The following AMBRA1 variants were observed in gnomAD, a reference collection of about 807,000 sequenced individuals.
AMBRA1 encodes the protein activating molecule in BECN1-regulated autophagy protein 1.
AMBRA1 carries 47 observed loss-of-function variants against 125.4 expected under a neutral mutation model. The observed-to-expected ratio is 0.37, with a 90% CI of 0.30 to 0.48. The LOEUF is 0.48. Among genes scored for constraint, AMBRA1 ranks in the 20% least tolerant of loss-of-function variants. The pLI, the probability that AMBRA1 is intolerant of heterozygous loss-of-function variation, is 0.99. For missense variants in AMBRA1, 1,331 were observed against 1,693.4 expected, an observed-to-expected ratio of 0.79 and a Z score of 3.76; for synonymous variants, 626 against 655.5, an observed-to-expected ratio of 0.95 and a Z score of 0.69.
chr11:46,490,722 A>C (rs115425595), intron 11 of AMBRA1, among the ~76,000 whole-genome samples: 1 of 152,190 alleles, frequency 6.6e-6, no homozygotes, highest in Non-Finnish European at 1.5e-5. Context: ...AGTTCCACTT[A>C]TGTCTGGAGT....
chr11:46,500,983 T>C (rs2135007157), intron 9 of AMBRA1, among the ~76,000 whole-genome samples: 1 of 152,342 alleles, frequency 6.6e-6, no homozygotes, highest in African/African-American at 2.4e-5. Flanking sequence ...ATAAAGTTCA[T>C]CTCCTTTGCA....
At chr11:46,469,347 GA>G (rs1490348295) in intron 11 of AMBRA1, among the ~76,000 whole-genome samples, 3 of 151,970 alleles carry the variant, frequency 2.0e-5, no homozygotes, top group Non-Finnish European at 4.4e-5. Flanking sequence ...TTTAGAAACA[GA>G]GTACCTTGGG....
chr11:46,579,988 C>A (rs544118609), intron 1 of AMBRA1, among the ~76,000 whole-genome samples: 1 of 152,348 alleles, frequency 6.6e-6, no homozygotes, highest in Non-Finnish European at 1.5e-5. Context: ...GCTGGGATTA[C>A]AGGCGTGAGT....
chr11:46,503,060 C>CAAAAAA (rs35217088), intron 9 of AMBRA1, among the ~76,000 whole-genome samples: 6 of 31,010 alleles, frequency 1.9e-4, no homozygotes, highest in African/African-American at 3.9e-4. Flanking sequence ...GACTCTGTCT[C>CAAAAAA]AAAAAAAAAA....
chr11:46,552,888 T>C (rs1182817538), intron 1 of AMBRA1, among the ~76,000 whole-genome samples: 1 of 150,972 alleles, frequency 6.6e-6, no homozygotes, highest in Non-Finnish European at 1.5e-5. Context: ...AAGTTTCTAT[T>C]TTTTTTTCAC....
intron 7 of AMBRA1, among the ~76,000 whole-genome samples, chr11:46,541,000 C>T (rs930586862): frequency 5.9e-5 from 9 of 152,274 alleles, no homozygotes; most frequent in Non-Finnish European, 7.3e-5. Context: ...ATATTCCCAC[C>T]CTTGTTAGAA....
chr11:46,397,302 G>A lies in AMBRA1; in HGVS notation c.*148C>T. 1 of 1,144,378 alleles carries A rather than the reference G, an allele frequency of 8.7e-7. No homozygotes were observed. The highest frequency in any genetic ancestry group is 1.1e-6 in the Non-Finnish European group (1 of 872,712). 70.9% of individuals were successfully genotyped at this position (1,144,378 alleles called of 1,614,324 possible). Reference sequence around the variant, plus strand: ...CCCATTTGACTGTCTTGTGCCCACTGACTGATCTTCCTCTCCACCCTGACC... The same window carrying A: ...CCCATTTGACTGTCTTGTGCCCACTAACTGATCTTCCTCTCCACCCTGACC... On this transcript the variant is annotated 3_prime_UTR_variant, in exon 18 of 18. Coordinates refer to ENST00000683756, the MANE Select transcript of AMBRA1 (RefSeq NM_001387011.1).
At chr11:46,415,864 G>A (rs1946518630) in intron 15 of AMBRA1, among the ~76,000 whole-genome samples, 1 of 152,232 alleles carries the variant, frequency 6.6e-6, no homozygotes, top group Admixed American at 6.5e-5. Flanking sequence ...GGATGCTGGA[G>A]CAACATATGG....
chr11:46,413,829 T>A (rs201825460), intron 15 of AMBRA1, among the ~76,000 whole-genome samples: 2 of 150,954 alleles, frequency 1.3e-5, no homozygotes, highest in African/African-American at 2.4e-5. Flanking sequence ...TCACTGACTG[T>A]CTGTGAGCTA....
intron 17 of AMBRA1, among the ~76,000 whole-genome samples, chr11:46,407,266 T>A (rs1356687115): frequency 1.3e-5 from 2 of 152,132 alleles, no homozygotes; most frequent in South Asian, 4.1e-4. Context: ...ATGGCCCACT[T>A]CTCCAAATCC....
chr11:46,562,897 T>G (rs1193765681), intron 1 of AMBRA1, among the ~76,000 whole-genome samples: 1 of 151,672 alleles, frequency 6.6e-6, no homozygotes, highest in African/African-American at 2.4e-5. Context: ...GCCTCCCAGG[T>G]TCAAGCGATT....
At chr11:46,555,077 A>C (rs1056461635) in intron 1 of AMBRA1, among the ~76,000 whole-genome samples, 12 of 152,134 alleles carry the variant, frequency 7.9e-5, no homozygotes, top group African/African-American at 1.9e-4. Flanking sequence ...CTGTCTTAAA[A>C]AAACAAACAA....
chr11:46,587,372 C>G (rs2044440943), intron 1 of AMBRA1, among the ~76,000 whole-genome samples: 1 of 151,658 alleles, frequency 6.6e-6, no homozygotes, highest in Admixed American at 6.6e-5. Flanking sequence ...AGAGTGAGAC[C>G]CTGCCACAAA....
intron 9 of AMBRA1, among the ~76,000 whole-genome samples, chr11:46,503,445 G>A (rs59366507): frequency 0.014 from 2,139 of 152,182 alleles, 58 homozygotes; most frequent in African/African-American, 0.049. Flanking sequence ...TTGATCACAG[G>A]TCACCATAAC....
rs1451840746 is a variant in AMBRA1 at position 46,543,186 on chromosome 11, G to T, written c.831C>A (p.Pro277=). 6.3e-7 allele frequency: 1 copy of T among 1,578,854 alleles called. No individual in the cohort carries two copies. The highest frequency in any genetic ancestry group is 1.8e-5 in the Admixed American group (1 of 54,062). The change falls in exon 7 of 18, where the codon CCC becomes CCA. Residue 277 remains proline (P), a synonymous_variant. Transcript: ENST00000683756. The part of the protein sequence containing the change: ...TPSPPPPPPQ[P]STERPRTSAY... ...CGGAAGTCCTGGGGCGCTCCGTGGA[G>T]GGCTGAGGGGGAGGCGGTGGGGGTG... is the stretch of plus-strand genomic sequence containing the variant.
In AMBRA1 at chr11:46,450,056, C is replaced by CAA. The variant is rs201819276; in HGVS notation, c.2522-6460_2522-6459dup. Among the ~76,000 whole-genome samples the CAA allele has an allele frequency of 3.0e-3, 216 of 71,156 alleles. 2 individuals carry two copies. Among genetic ancestry groups the CAA allele is most frequent in the Non-Finnish European group, 4.5e-3 (156 of 34,822 alleles). 46.7% of individuals were successfully genotyped at this position (71,156 alleles called of 152,430 possible). ...CCTGGGCAACAGAGCGAGACTGTCTCAAAAAAAAAAAAAAAAACAACTAAT... is the reference window on the plus strand; with the variant it reads ...CCTGGGCAACAGAGCGAGACTGTCTCAAAAAAAAAAAAAAAAAAACAACTAAT... On this transcript the variant is annotated intron_variant, in intron 11 of 17. Coordinates refer to ENST00000683756, the MANE Select transcript of AMBRA1 (RefSeq NM_001387011.1).
intron 16 of AMBRA1, 70 bp from the exon 17 acceptor site, chr11:46,408,776 T>C: frequency 7.1e-7 from 1 of 1,416,622 alleles, no homozygotes; most frequent in Non-Finnish European, 9.4e-7. Context: ...CTCTGCTGGC[T>C]CTGTGCCAAT....
chr11:46,574,852 A>G (rs2043898487), intron 1 of AMBRA1, among the ~76,000 whole-genome samples: 1 of 152,182 alleles, frequency 6.6e-6, no homozygotes, highest in Non-Finnish European at 1.5e-5. Flanking sequence ...TCACTTTTTC[A>G]AACAATGTTT....
At chr11:46,549,609 A>G (rs978933363) in intron 1 of AMBRA1, among the ~76,000 whole-genome samples, 1 of 152,150 alleles carries the variant, frequency 6.6e-6, no homozygotes, top group African/African-American at 2.4e-5. Flanking sequence ...TACTATACCA[A>G]TTATCATCTA....
Sources: gnomAD v4.1 joint callset for allele counts (sites outside exome capture counted in the v4.1 genomes callset) on GRCh38, gnomAD v4.1.1 for gene constraint, MANE v1.5 for transcripts, NCBI Gene and HGNC (gene_info 2026-07-23, HGNC 2026-07-21) for gene names.